LGR5: variants seen among roughly 807,000 people sequenced by gnomAD.
The protein encoded by LGR5 is leucine-rich repeat-containing G protein-coupled receptor 5.
LGR5 carries 54 observed loss-of-function variants against 76.7 expected under a neutral mutation model. The ratio of observed to expected loss-of-function variants is 0.70; its 90% CI spans 0.57 to 0.88. LGR5 has a LOEUF of 0.88. Among genes scored for constraint, LGR5 ranks in the 40% least tolerant of loss-of-function variants. The pLI is 0.00. For synonymous variants in LGR5, 406 were observed against 421.9 expected (o/e 0.96, Z 0.46); for missense variants, 1,078 against 1,073.3 (o/e 1.00, Z -0.06).
At chr12:71,577,218 C>T (rs1465199868) in intron 13 of LGR5, among the ~76,000 whole-genome samples, 1 of 152,136 alleles carries the variant, frequency 6.6e-6, no homozygotes. Flanking sequence ...TTCATCCTTC[C>T]TTTTTAAAAA....
intron 2 of LGR5, among the ~76,000 whole-genome samples, chr12:71,508,222 G>A (rs1008654310): frequency 5.9e-5 from 9 of 151,998 alleles, no homozygotes; most frequent in Non-Finnish European, 5.9e-5. Flanking sequence ...GCGAGACTCC[G>A]TCTCAAAAAC....
chr12:71,566,550 T>C, intron 9 of LGR5, 75 bp downstream of exon 9: 1 of 1,501,702 alleles, frequency 6.7e-7, no homozygotes, highest in East Asian at 2.3e-5. Flanking sequence ...ATATTATAGG[T>C]TGAAGTGCTT....
intron 2 of LGR5, among the ~76,000 whole-genome samples, chr12:71,514,025 T>G (rs555399409): frequency 1.2e-4 from 18 of 152,252 alleles, no homozygotes; most frequent in Middle Eastern, 3.4e-3. Context: ...TGCGTACCTG[T>G]AGTCCCAGCT....
intron 1 of LGR5, among the ~76,000 whole-genome samples, chr12:71,478,564 C>T (rs1338355360): frequency 6.6e-6 from 1 of 152,090 alleles, no homozygotes; most frequent in Non-Finnish European, 1.5e-5. Flanking sequence ...CAATAAGTCC[C>T]AGATTGAAGT....
intron 1 of LGR5, among the ~76,000 whole-genome samples, chr12:71,469,505 G>T (rs1361470856): frequency 6.6e-6 from 1 of 152,242 alleles, no homozygotes; most frequent in Non-Finnish European, 1.5e-5. Context: ...GGAGCAGCAC[G>T]CTCTGGCCTT....
intron 3 of LGR5, among the ~76,000 whole-genome samples, chr12:71,527,088 G>A (rs376374224): frequency 1.9e-4 from 29 of 152,240 alleles, no homozygotes; most frequent in Non-Finnish European, 4.0e-4. Context: ...AGGAAAAGAT[G>A]TACATAAGTG....
intron 11 of LGR5, chr12:71,567,291 C>CCG: frequency 4.7e-6 from 1 of 211,604 alleles, no homozygotes; most frequent in Non-Finnish European, 9.6e-6. Context: ...ACTGAGATCT[C>CCG]AGATCCACAC....
At chr12:71,579,192 G>A (rs1878990245) in intron 15 of LGR5, among the ~76,000 whole-genome samples, 1 of 151,998 alleles carries the variant, frequency 6.6e-6, no homozygotes, top group African/African-American at 2.4e-5. Flanking sequence ...ATTGATCCAT[G>A]GAATATATAT....
In LGR5 at chr12:71,439,980, T is replaced by C. The variant is rs1871676508; in HGVS notation, c.-101T>C. On this transcript the variant is annotated 5_prime_UTR_variant, in exon 1 of 18. Transcript: ENST00000266674. ...TCTGGCGCTGCAGACGCCCGCTGAG[T>C]TGCAGAAGCCCACGGAGCGGCGCCC... is the stretch of plus-strand genomic sequence containing the variant. 9.1e-7 allele frequency: 1 copy of C among 1,098,058 alleles called. No homozygotes were observed. The highest frequency in any genetic ancestry group is 1.6e-5 in the African/African-American group (1 of 62,036). 68.0% of individuals were successfully genotyped at this position (1,098,058 alleles called of 1,614,324 possible). A position where few individuals can be genotyped will look rare whatever the true frequency, so the allele number is the denominator to read the frequency against.
At chr12:71,577,854 A>G (rs1185315248) in intron 13 of LGR5, 71 bp from the exon 14 acceptor site, 2 of 979,042 alleles carry the variant, frequency 2.0e-6, no homozygotes, top group African/African-American at 3.2e-5. Flanking sequence ...GTAGAAGACT[A>G]AATGCATATG....
At chr12:71,583,546 C>T in intron 17 of LGR5, 101 bp from the exon 18 acceptor site, 1 of 1,356,922 alleles carries the variant, frequency 7.4e-7, no homozygotes, top group Non-Finnish European at 1.0e-6. Context: ...TGTTTTTGAC[C>T]ATTATCTCTT....
chr12:71,472,344 T>C (rs1159406673), intron 1 of LGR5, among the ~76,000 whole-genome samples: 3 of 152,210 alleles, frequency 2.0e-5, no homozygotes, highest in African/African-American at 7.2e-5. Context: ...CCCCATTTTA[T>C]AAACAAGGAA....
At chr12:71,523,892 C>T (rs1391342762) in intron 2 of LGR5, among the ~76,000 whole-genome samples, 3 of 152,110 alleles carry the variant, frequency 2.0e-5, no homozygotes, top group East Asian at 1.9e-4. Context: ...AATTAAGGTA[C>T]TCTATCCTTT....
At chr12:71,508,036 T>A (rs958682828) in intron 2 of LGR5, among the ~76,000 whole-genome samples, 11 of 148,998 alleles carry the variant, frequency 7.4e-5, no homozygotes, top group Non-Finnish European at 1.6e-4. Context: ...CTGGCCAACA[T>A]GGTGAAACCT....
intron 4 of LGR5, among the ~76,000 whole-genome samples, chr12:71,545,578 C>G (rs1389130637): frequency 6.6e-6 from 1 of 151,968 alleles, no homozygotes; most frequent in Non-Finnish European, 1.5e-5. Context: ...CTGCAAGATT[C>G]TTCACACTTT....
At chr12:71,464,466 A>T (rs1329902169) in intron 1 of LGR5, among the ~76,000 whole-genome samples, 1 of 152,234 alleles carries the variant, frequency 6.6e-6, no homozygotes, top group East Asian at 1.9e-4. Flanking sequence ...CATGAAATAC[A>T]CTTAATAAGT....
chr12:71,516,846 T>C (rs929318789), intron 2 of LGR5, among the ~76,000 whole-genome samples: 7 of 152,136 alleles, frequency 4.6e-5, no homozygotes, highest in Non-Finnish European at 8.8e-5. Flanking sequence ...GGTGGGACAA[T>C]ATGAGTCACA....
chr12:71,469,422 T>G (rs902689537), intron 1 of LGR5, among the ~76,000 whole-genome samples: 21 of 152,250 alleles, frequency 1.4e-4, no homozygotes, highest in Non-Finnish European at 2.9e-5. Context: ...TGAGTCACTG[T>G]GTGCTGGGCG....
intron 8 of LGR5, among the ~76,000 whole-genome samples, chr12:71,562,278 T>C (rs981325095): frequency 1.3e-5 from 2 of 152,018 alleles, no homozygotes; most frequent in African/African-American, 4.8e-5. Context: ...ATGGTAGGGG[T>C]TTTATACTGT....
Sources: gnomAD v4.1 joint callset for allele counts (sites outside exome capture counted in the v4.1 genomes callset) on GRCh38, gnomAD v4.1.1 for gene constraint, MANE v1.5 for transcripts, NCBI Gene and HGNC (gene_info 2026-07-23, HGNC 2026-07-21) for gene names.